Variants in HSDL2 observed in about 807,000 individuals in gnomAD.
HSDL2 encodes the protein hydroxysteroid dehydrogenase like 2, also known as hydroxysteroid dehydrogenase-like protein 2.
In HSDL2, 27 loss-of-function variants were observed where a neutral mutation model predicts 46.3. That is an observed-to-expected ratio of 0.58 (90% CI 0.43 to 0.80). The LOEUF (loss-of-function observed/expected upper bound fraction) is 0.80. Among genes scored for constraint, HSDL2 ranks in the 30% least tolerant of loss-of-function variants. HSDL2 has a pLI of 0.00. For missense variants in HSDL2, 451 were observed against 502.7 expected (o/e 0.90, Z 0.98); for synonymous variants, 153 against 163.6 (o/e 0.94, Z 0.50).
chr9:112,438,715 T>C (rs1435631364), intron 7 of HSDL2, 90 bp downstream of exon 7: 5 of 750,720 alleles, frequency 6.7e-6, no homozygotes, highest in East Asian at 5.5e-5. Flanking sequence ...GTTTGTGTGA[T>C]TGTAAAATGA....
intron 8 of HSDL2, among the ~76,000 whole-genome samples, chr9:112,452,470 G>C (rs1832909997): frequency 6.6e-6 from 1 of 152,194 alleles, no homozygotes; most frequent in African/African-American, 2.4e-5. Context: ...AGAGAGGCCG[G>C]GCACGGTGGC....
At chr9:112,403,332 C>T (rs1414350136) in intron 1 of HSDL2, among the ~76,000 whole-genome samples, 1 of 152,186 alleles carries the variant, frequency 6.6e-6, no homozygotes, top group African/African-American at 2.4e-5. Flanking sequence ...ATATAAATGG[C>T]ATCATATGTG....
intron 1 of HSDL2, among the ~76,000 whole-genome samples, chr9:112,385,552 C>T (rs189853745): frequency 8.1e-5 from 12 of 147,902 alleles, no homozygotes; most frequent in East Asian, 2.0e-4. Flanking sequence ...TGCAGTGGCG[C>T]GATCTCAGCT....
chr9:112,449,962 G>A (rs2132685943), intron 8 of HSDL2, among the ~76,000 whole-genome samples: 1 of 151,952 alleles, frequency 6.6e-6, no homozygotes, highest in South Asian at 2.1e-4. Context: ...TTTCTTTGAG[G>A]TTGCTTTTGT....
chr9:112,446,986 G>A (rs1268213029), intron 8 of HSDL2, among the ~76,000 whole-genome samples: 1 of 152,160 alleles, frequency 6.6e-6, no homozygotes, highest in Non-Finnish European at 1.5e-5. Flanking sequence ...TCTTTCATGA[G>A]GGAAAGCACA....
intron 1 of HSDL2, among the ~76,000 whole-genome samples, chr9:112,383,426 T>C (rs1035435345): frequency 6.6e-6 from 1 of 151,996 alleles, no homozygotes; most frequent in African/African-American, 2.4e-5. Flanking sequence ...TATATTTTTG[T>C]ATTTTTCAAA....
intron 6 of HSDL2, among the ~76,000 whole-genome samples, chr9:112,421,510 A>G (rs1832122536): frequency 6.6e-6 from 1 of 152,076 alleles, no homozygotes; most frequent in African/African-American, 2.4e-5. Context: ...AATGCATGAT[A>G]TTTTTGGATT....
intron 10 of HSDL2, among the ~76,000 whole-genome samples, chr9:112,467,864 G>A (rs960403988): frequency 1.6e-4 from 24 of 152,168 alleles, no homozygotes; most frequent in African/African-American, 5.8e-4. Flanking sequence ...CTACACAGCT[G>A]TTGTCCTAGA....
intron 1 of HSDL2, among the ~76,000 whole-genome samples, chr9:112,390,097 T>TAAATAAATAAATAAATAAAG (rs1371100347): frequency 2.0e-5 from 3 of 150,028 alleles, no homozygotes; most frequent in African/African-American, 4.9e-5. Flanking sequence ...AATAAATAAA[T>TAAATAAATAAATAAATAAAG]AAAGTAAAAA....
At chr9:112,401,406 C>A (rs1831588823) in intron 1 of HSDL2, among the ~76,000 whole-genome samples, 1 of 129,822 alleles carries the variant, frequency 7.7e-6, no homozygotes. Flanking sequence ...CAGTGAGCCA[C>A]ACTCCAGACT....
intron 4 of HSDL2, among the ~76,000 whole-genome samples, chr9:112,414,391 CAG>C (rs1463499636): frequency 6.6e-6 from 1 of 152,146 alleles, no homozygotes. Flanking sequence ...GTAATAAAAA[CAG>C]AGTCTGGCAC....
chr9:112,444,613 C>T (rs1278971451), intron 8 of HSDL2, among the ~76,000 whole-genome samples: 2 of 152,034 alleles, frequency 1.3e-5, no homozygotes, highest in Admixed American at 1.3e-4. Context: ...TGGTGCATGC[C>T]TGTAGTCCCA....
At chr9:112,436,962 T>TTTC (rs1468322875) in intron 6 of HSDL2, among the ~76,000 whole-genome samples, 130 of 141,136 alleles carry the variant, frequency 9.2e-4, no homozygotes, top group Non-Finnish European at 1.5e-3. Context: ...CTTTTTTTCT[T>TTTC]TTTTTTTTTT....
intron 10 of HSDL2, among the ~76,000 whole-genome samples, chr9:112,467,181 G>A (rs1255156232): frequency 4.2e-5 from 5 of 118,204 alleles, no homozygotes; most frequent in African/African-American, 1.7e-4. Flanking sequence ...TGTCCATTAA[G>A]GGATGCATGG....
chr9:112,459,008 AAAAACAAAAAC>A (rs1052767622), intron 9 of HSDL2, among the ~76,000 whole-genome samples: 8 of 150,310 alleles, frequency 5.3e-5, no homozygotes, highest in South Asian at 2.1e-4. Flanking sequence ...AAAGAAAACA[AAAAACAAAAAC>A]AAAAACAAAA....
At chr9:112,464,433 CTAT>C (rs1474118001) in intron 10 of HSDL2, among the ~76,000 whole-genome samples, 5 of 152,246 alleles carry the variant, frequency 3.3e-5, no homozygotes, top group African/African-American at 9.6e-5. Flanking sequence ...CAAGTTTAAT[CTAT>C]TATTTTTTCC....
At chr9:112,411,494 G>A (rs1386750699) in intron 4 of HSDL2, among the ~76,000 whole-genome samples, 1 of 152,146 alleles carries the variant, frequency 6.6e-6, no homozygotes, top group East Asian at 1.9e-4. Context: ...GGCCAACATG[G>A]TGAAACCCTG....
At chr9:112,459,890 A>G (rs1447035088) in intron 10 of HSDL2, among the ~76,000 whole-genome samples, 2 of 152,164 alleles carry the variant, frequency 1.3e-5, no homozygotes, top group Non-Finnish European at 2.9e-5. Flanking sequence ...TATGTTTCCA[A>G]TAACACCCCA....
intron 6 of HSDL2, among the ~76,000 whole-genome samples, chr9:112,421,311 G>A (rs1832117506): frequency 6.6e-6 from 1 of 152,026 alleles, no homozygotes; most frequent in African/African-American, 2.4e-5. Flanking sequence ...TTTTGAGACA[G>A]GACAGAGTGA....
Sources: allele counts gnomAD v4.1 joint callset (sites outside exome capture counted in the v4.1 genomes callset), GRCh38; gene constraint gnomAD v4.1.1; transcripts MANE v1.5; gene names NCBI Gene and HGNC (gene_info 2026-07-23, HGNC 2026-07-21).